TCF20: variants seen among roughly 807,000 people sequenced by gnomAD.
TCF20 encodes the protein SPRE-binding protein.
TCF20 carries 3 observed loss-of-function variants against 148.6 expected under a neutral mutation model. The ratio of observed to expected loss-of-function variants is 0.02; its 90% CI spans 0.01 to 0.05. The LOEUF (loss-of-function observed/expected upper bound fraction) is 0.05, where lower values mean the gene tolerates loss of function less well. Among genes scored for constraint, TCF20 ranks in the 10% least tolerant of loss-of-function variants. TCF20 has a pLI of 1.00. For missense variants in TCF20, 2,350 were observed against 2,429.3 expected, an observed-to-expected ratio of 0.97 and a Z score of 0.69; for synonymous variants, 1,049 against 909.5, an observed-to-expected ratio of 1.15 and a Z score of -2.76.
intron 1 of TCF20, among the ~76,000 whole-genome samples, chr22:42,256,475 T>G (rs1209298364): frequency 1.3e-5 from 2 of 151,836 alleles, no homozygotes; most frequent in Non-Finnish European, 2.9e-5. Context: ...TAGCAAAGTT[T>G]TTTTTTTTTT....
chr22:42,303,814 G>T (rs1281643825), intron 1 of TCF20, among the ~76,000 whole-genome samples: 1 of 151,916 alleles, frequency 6.6e-6, no homozygotes, highest in Non-Finnish European at 1.5e-5. Flanking sequence ...GAGGTGAGAG[G>T]AGGAGGGGCA....
At chr22:42,310,778 C>T (rs1456169433) in intron 1 of TCF20, among the ~76,000 whole-genome samples, 1 of 152,196 alleles carries the variant, frequency 6.6e-6, no homozygotes, top group Non-Finnish European at 1.5e-5. Flanking sequence ...CAGAGAGTGA[C>T]AAGCCAGCCC....
At chr22:42,181,720 G>A (rs1018332673) in intron 2 of TCF20, among the ~76,000 whole-genome samples, 1 of 150,318 alleles carries the variant, frequency 6.7e-6, no homozygotes, top group African/African-American at 2.5e-5. Context: ...TGATTCTCCT[G>A]ACCTCAGCCT....
Position 42,210,111 on chromosome 22 carries a change from G to A in TCF20, c.5195C>T (p.Thr1732Ile). 1 of 1,614,176 alleles carries A rather than the reference G, an allele frequency of 6.2e-7. No homozygotes were observed. Among genetic ancestry groups the A allele is most frequent in the Non-Finnish European group, 8.5e-7 (1 of 1,180,042 alleles). The change falls in exon 2 of 6, where the codon ACT becomes ATT. Residue 1732 changes from threonine (T) to isoleucine (I), a missense_variant. By Grantham distance (89) the Thr-to-Ile change is moderately conservative. Around this residue, in one of 7 missense-constraint regions of TCF20, gnomAD observed 374 missense variants for 398.3 expected, o/e 0.94. Transcript: ENST00000677622. The surrounding 1 kb of genome is among the most constrained non-coding windows in gnomAD (Gnocchi z 4.7). The stretch of plus-strand genomic sequence containing the variant: ...CTTAGGAGGTGGATTCTTCGGGAGA[G>A]TGGCTGCATAATCTTGGGGATAAAA... ...GPFYPQDYAA[T>I]LPKNPPPKRA... is the part of the protein sequence containing the mutation.
chr22:42,341,311 C>T (rs977109135), intron 1 of TCF20, among the ~76,000 whole-genome samples: 1 of 152,166 alleles, frequency 6.6e-6, no homozygotes, highest in Non-Finnish European at 1.5e-5. Context: ...TATAGTTCCA[C>T]GGGGAGCCCT....
chr22:42,235,858 C>G (rs778836444), intron 1 of TCF20, among the ~76,000 whole-genome samples: 16 of 151,936 alleles, frequency 1.1e-4, no homozygotes, highest in Non-Finnish European at 2.2e-4. Context: ...GAATTACCAC[C>G]CTCTTTCCCT....
chr22:42,253,580 A>C, intron 1 of TCF20, among the ~76,000 whole-genome samples: 1 of 152,188 alleles, frequency 6.6e-6, no homozygotes, highest in East Asian at 1.9e-4. Flanking sequence ...GCATCAACAA[A>C]AGTTTTATTT....
intron 3 of TCF20, among the ~76,000 whole-genome samples, chr22:42,177,906 C>T (rs1936542184): frequency 6.6e-6 from 1 of 152,096 alleles, no homozygotes; most frequent in African/African-American, 2.4e-5. Flanking sequence ...TGTTCTAAGG[C>T]TACTCTTGGT....
At chr22:42,241,720 G>A (rs372303049) in intron 1 of TCF20, among the ~76,000 whole-genome samples, 8 of 152,050 alleles carry the variant, frequency 5.3e-5, no homozygotes, top group South Asian at 2.1e-4. Context: ...CCAGCTACTC[G>A]AGAGGTTAAG....
At chr22:42,234,149 T>C (rs1923671953) in intron 1 of TCF20, among the ~76,000 whole-genome samples, 1 of 152,114 alleles carries the variant, frequency 6.6e-6, no homozygotes, top group African/African-American at 2.4e-5. Context: ...CGAGCAGAAG[T>C]CGAGTCCAAA....
At chr22:42,314,576 G>A (rs1927596984) in intron 1 of TCF20, among the ~76,000 whole-genome samples, 1 of 152,142 alleles carries the variant, frequency 6.6e-6, no homozygotes, top group Non-Finnish European at 1.5e-5. Flanking sequence ...AGAGGAACCC[G>A]CAGGTCCTGC....
intron 1 of TCF20, among the ~76,000 whole-genome samples, chr22:42,309,305 G>C (rs1202700255): frequency 6.6e-6 from 1 of 151,978 alleles, no homozygotes; most frequent in Non-Finnish European, 1.5e-5. Context: ...AGCTGGGAGG[G>C]GACACTGCTA....
At position 42,221,015 on chromosome 22, in the gene TCF20, G is replaced by C. The variant is rs149263468; in HGVS notation, c.-36-5674C>G. Among the ~76,000 whole-genome samples the C allele has an allele frequency of 2.6e-5, 4 of 152,168 alleles. No individual in the cohort carries two copies. The East Asian group carries it at 7.7e-4, about 29-fold the overall frequency. ...CCCTTTATTAATCTTCTGCATTGTTGTCAACTCAGCATCGTGACCACCCTC... is the reference window on the plus strand; with the variant it reads ...CCCTTTATTAATCTTCTGCATTGTTCTCAACTCAGCATCGTGACCACCCTC... On this transcript the variant is annotated intron_variant, in intron 1 of 5. Coordinates refer to ENST00000677622, the MANE Select transcript of TCF20 (RefSeq NM_001378418.1).
At chr22:42,230,522 A>G (rs888634421) in intron 1 of TCF20, among the ~76,000 whole-genome samples, 83 of 152,268 alleles carry the variant, frequency 5.5e-4, no homozygotes, top group African/African-American at 1.8e-3. Context: ...GCATGTGCCT[A>G]TAAGTCCTAG....
At chr22:42,255,171 G>C (rs556537491) in intron 1 of TCF20, among the ~76,000 whole-genome samples, 1 of 151,980 alleles carries the variant, frequency 6.6e-6, no homozygotes, top group African/African-American at 2.4e-5. Flanking sequence ...CTGGCCCTTG[G>C]AATTTATTGT....
Position 42,212,744 on chromosome 22 carries a change from A to C in TCF20, c.2562T>G (p.His854Gln). 1.2e-6 allele frequency: 2 copies of C among 1,614,234 alleles called. No homozygotes were observed. The highest frequency in any genetic ancestry group is 1.7e-6 in the Non-Finnish European group (2 of 1,180,048). ...TTTCAGAGAGGGAACCCCCAGGCTC[A>C]TGTGCTGATGACTGAGGCTCTATTT... Reference protein sequence around the residue: ...KFEIEPQSSAHEPGGSLSERR... With the variant: ...KFEIEPQSSAQEPGGSLSERR... Residue 854 changes from histidine (H) to glutamine (Q), a missense_variant, in exon 2 of 6, where the codon CAT (histidine) becomes CAG (glutamine). By Grantham distance (24) the His-to-Gln change is conservative (BLOSUM62 0). Coordinates refer to ENST00000677622, the MANE Select transcript of TCF20 (RefSeq NM_001378418.1).
At chr22:42,167,603 A>G (rs749954309) in intron 5 of TCF20, among the ~76,000 whole-genome samples, 12 of 152,192 alleles carry the variant, frequency 7.9e-5, no homozygotes, top group Non-Finnish European at 1.8e-4. Flanking sequence ...TGGAGCTCAG[A>G]GGCCTGCAGC....
At chr22:42,261,089 C>T (rs1230590605) in intron 1 of TCF20, among the ~76,000 whole-genome samples, 2 of 152,188 alleles carry the variant, frequency 1.3e-5, no homozygotes, top group East Asian at 3.8e-4. Context: ...TCTGGAATGT[C>T]CATTAAGTGG....
intron 3 of TCF20, among the ~76,000 whole-genome samples, chr22:42,175,869 C>T (rs936732273): frequency 6.6e-6 from 1 of 152,080 alleles, no homozygotes; most frequent in Non-Finnish European, 1.5e-5. Flanking sequence ...GTGCAGTGGC[C>T]CAACTGAGGG....
Sources: allele counts gnomAD v4.1 joint callset (sites outside exome capture counted in the v4.1 genomes callset), GRCh38; gene constraint gnomAD v4.1.1; regional missense constraint gnomAD v4.1.1; non-coding constraint Gnocchi (gnomAD v3.1); transcripts MANE v1.5; gene names NCBI Gene and HGNC (gene_info 2026-07-23, HGNC 2026-07-21).